The following ZNF133 variants were observed in gnomAD, a reference collection of about 807,000 sequenced individuals.
ZNF133 encodes the protein zinc finger protein 133 (clone pHZ-13).
ZNF133 carries 26 observed loss-of-function variants against 54.9 expected under a neutral mutation model. The observed-to-expected ratio is 0.47, with a 90% CI of 0.35 to 0.66. The LOEUF (loss-of-function observed/expected upper bound fraction) is 0.66. ZNF133 is among the 30% of genes least tolerant of loss of function. The pLI, the probability that ZNF133 is intolerant of heterozygous loss-of-function variation, is 0.01. For synonymous variants in ZNF133, 298 were observed against 320.3 expected (o/e 0.93, Z 0.74); for missense variants, 653 against 820.8 (o/e 0.80, Z 2.50).
At chr20:18,300,730 A>G (rs2043189802) in intron 3 of ZNF133, among the ~76,000 whole-genome samples, 2 of 152,154 alleles carry the variant, frequency 1.3e-5, no homozygotes, top group African/African-American at 4.8e-5. Context: ...TAAGGAAGAC[A>G]TTAATACAAA....
At chr20:18,291,729 T>C (rs1000818382) in intron 1 of ZNF133, among the ~76,000 whole-genome samples, 2 of 144,706 alleles carry the variant, frequency 1.4e-5, no homozygotes, top group African/African-American at 5.1e-5. Flanking sequence ...TTTTTTTTAG[T>C]GAGACAGGAG....
intron 3 of ZNF133, among the ~76,000 whole-genome samples, chr20:18,304,115 G>T (rs1425895112): frequency 6.6e-6 from 1 of 152,120 alleles, no homozygotes; most frequent in African/African-American, 2.4e-5. Flanking sequence ...AGTCATTTTT[G>T]CAAAGATATA....
At chr20:18,297,788 T>G (rs2042541672) in intron 1 of ZNF133, among the ~76,000 whole-genome samples, 197 bp from the exon 2 acceptor site, 1 of 152,176 alleles carries the variant, frequency 6.6e-6, no homozygotes, top group African/African-American at 2.4e-5. Context: ...TCTTTTGTTT[T>G]GGAAGACCCT....
rs748176290 is a variant in ZNF133 at position 18,315,646 on chromosome 20, G to A, written c.795G>A (p.Ser265=). ...TCGCCAGACACCAGAAGGCACACTC[G>A]GGGGAGAAGCCAATTGTGTGCAGGG... ...KSLARHQKAH[S]GEKPIVCREC... is the part of the protein sequence containing the mutation. The change falls in exon 7 of 7, where the codon TCG becomes TCA. Residue 265 remains serine, a synonymous_variant. Coordinates refer to ENST00000425686, the MANE Select transcript of ZNF133 (RefSeq NM_001352452.2). The A allele has an allele frequency of 1.5e-5, 25 of 1,613,664 alleles. No homozygotes were observed. In the African/African-American group the frequency reaches 1.7e-4, roughly 11 times the overall value.
rs2044394226 is a variant in ZNF133, at chr20:18,305,565, G to A, written c.-6-116G>A. The A allele has an allele frequency of 6.8e-7, 1 of 1,460,012 alleles. No individual in the cohort carries two copies. The highest frequency in any genetic ancestry group is 1.4e-5 in the African/African-American group (1 of 70,958). The allele number at this position is 1,460,012 out of a possible 1,614,324, so 90.4% of individuals were successfully genotyped here. On this transcript the variant is annotated intron_variant, in intron 4 of 6. Coordinates refer to ENST00000425686, the MANE Select transcript of ZNF133 (RefSeq NM_001352452.2). The surrounding 1 kb of genome is among the most constrained non-coding windows in gnomAD (Gnocchi z 4.7). ...AAGTCTTGGAACACATGGCACCAGG[G>A]TCACTGGGATCTTGATATCTCACCT...
intron 3 of ZNF133, among the ~76,000 whole-genome samples, chr20:18,299,801 A>T (rs889282827): frequency 1.3e-5 from 2 of 152,202 alleles, no homozygotes; most frequent in African/African-American, 4.8e-5. Context: ...TGAAGTGCTA[A>T]AAGAAAACGA....
intron 6 of ZNF133, among the ~76,000 whole-genome samples, chr20:18,311,870 G>T (rs1239870795): frequency 6.6e-6 from 1 of 152,142 alleles, no homozygotes; most frequent in Non-Finnish European, 1.5e-5. Flanking sequence ...ATACTAGTTG[G>T]ACACATATAT....
intron 3 of ZNF133, among the ~76,000 whole-genome samples, chr20:18,299,529 A>C (rs2042923656): frequency 6.6e-6 from 1 of 152,254 alleles, no homozygotes; most frequent in African/African-American, 2.4e-5. Flanking sequence ...GTTTGAAGAA[A>C]TAATGGCTGA....
rs1169922615 is a variant in ZNF133, at chr20:18,315,690, AC to A, written c.841del (p.Arg281GlyfsTer5). 1 of 1,613,210 alleles carries A rather than the reference AC, an allele frequency of 6.2e-7. No homozygotes were observed. Among genetic ancestry groups the A allele is most frequent in the South Asian group, 1.1e-5 (1 of 90,996 alleles). ...TGCAGGGAGTGTGGACGAGGCTTTA[AC>A]CGGAAGTCAACGCTAATCATACACG... ...IVCRECGRGF[N>X]RKSTLIIHER... On this transcript the variant is annotated frameshift_variant, in exon 7 of 7. Coordinates refer to ENST00000425686, the MANE Select transcript of ZNF133 (RefSeq NM_001352452.2). LOFTEE classifies it high-confidence loss of function.
intron 5 of ZNF133, 91 bp from the exon 6 acceptor site, chr20:18,306,207 C>T: frequency 7.8e-7 from 1 of 1,275,946 alleles, no homozygotes; most frequent in Non-Finnish European, 1.1e-6. Flanking sequence ...TTTGTACTAC[C>T]TTTGAAGTTT....
chr20:18,307,422 C>CGTTTTCAGCACGAAT (rs1190030303), intron 6 of ZNF133, among the ~76,000 whole-genome samples: 4 of 152,126 alleles, frequency 2.6e-5, no homozygotes, highest in African/African-American at 4.8e-5. Flanking sequence ...TTTTTCAGCA[C>CGTTTTCAGCACGAAT]GTTAAAGATA....
rs373952348 is a variant in ZNF133 at position 18,305,817 on chromosome 20, A to G, written c.121+10A>G. On this transcript the variant is annotated intron_variant, in intron 5 of 6. Coordinates refer to ENST00000425686, the MANE Select transcript of ZNF133 (RefSeq NM_001352452.2). The surrounding 1 kb of genome is among the most constrained non-coding windows in gnomAD (Gnocchi z 4.7). Reference sequence around the variant, plus strand: ...AACCTGGTCTCACTGGGTAAGCCTGATATCTGTTAGGATTCCCATTCTTAT... The same window carrying G: ...AACCTGGTCTCACTGGGTAAGCCTGGTATCTGTTAGGATTCCCATTCTTAT... 23 of 1,603,064 alleles carry G rather than the reference A, an allele frequency of 1.4e-5. No individual in the cohort carries two copies. Among genetic ancestry groups the G allele is most frequent in the Non-Finnish European group, 1.8e-5 (21 of 1,174,856 alleles).
intron 6 of ZNF133, among the ~76,000 whole-genome samples, chr20:18,308,685 T>C (rs2045206454): frequency 6.6e-6 from 1 of 151,976 alleles, no homozygotes; most frequent in Non-Finnish European, 1.5e-5. Flanking sequence ...AAAAACATTG[T>C]CATTTGGGTG....
At chr20:18,302,599 G>T (rs962878503) in intron 3 of ZNF133, among the ~76,000 whole-genome samples, 2 of 152,170 alleles carry the variant, frequency 1.3e-5, no homozygotes, top group African/African-American at 2.4e-5. Flanking sequence ...ATACTCCATG[G>T]TGAAAGACTG....
chr20:18,310,376 A>C, intron 6 of ZNF133: 1 of 1,427,440 alleles, frequency 7.0e-7, no homozygotes, highest in Non-Finnish European at 9.2e-7. Flanking sequence ...GCAATATCAG[A>C]ATCCTCAAAA....
intron 3 of ZNF133, among the ~76,000 whole-genome samples, chr20:18,300,378 TCAAC>T (rs2043121521): frequency 1.3e-5 from 2 of 151,510 alleles, no homozygotes; most frequent in African/African-American, 4.8e-5. Flanking sequence ...ATTGAAAAAA[TCAAC>T]CAAAGACAAA....
chr20:18,290,325 G>A (rs750515425), intron 1 of ZNF133, among the ~76,000 whole-genome samples: 3 of 152,084 alleles, frequency 2.0e-5, no homozygotes, highest in Non-Finnish European at 2.9e-5. Flanking sequence ...CATTCCCAGG[G>A]CTTGTCAGGT....
chr20:18,316,725 G>A lies in ZNF133; in HGVS notation c.1874G>A (p.Arg625Lys). 1 of 1,614,142 alleles carries A rather than the reference G, an allele frequency of 6.2e-7. No homozygotes were observed. The highest frequency in any genetic ancestry group is 8.5e-7 in the Non-Finnish European group (1 of 1,179,954). Reference protein sequence around the residue: ...FSLKSHLSRHRKTTSVHHRLP... With the variant: ...FSLKSHLSRHKKTTSVHHRLP... ...CTCAAGTCTCACCTCAGCAGACACAGGAAGACCACGTCTGTCCACCACAGA... is the reference window on the plus strand; with the variant it reads ...CTCAAGTCTCACCTCAGCAGACACAAGAAGACCACGTCTGTCCACCACAGA... The change falls in exon 7 of 7, where the codon AGG (arginine) becomes AAG (lysine). Residue 625 changes from arginine to lysine, a missense_variant. Physicochemically the swap from Arg to Lys is conservative, Grantham distance 26. Transcript: ENST00000425686.
chr20:18,301,649 C>T (rs966965274), intron 3 of ZNF133, among the ~76,000 whole-genome samples: 13 of 152,138 alleles, frequency 8.5e-5, no homozygotes, highest in African/African-American at 1.9e-4. Context: ...GCCAACAAAT[C>T]GGATGCCCTA....
Sources: allele counts gnomAD v4.1 joint callset (sites outside exome capture counted in the v4.1 genomes callset), GRCh38; gene constraint gnomAD v4.1.1; non-coding constraint Gnocchi (gnomAD v3.1); transcripts MANE v1.5; gene names NCBI Gene and HGNC (gene_info 2026-07-23, HGNC 2026-07-21).